Variants in TEK observed in about 807,000 individuals in gnomAD.
TEK encodes TEK receptor tyrosine kinase.
In TEK, 43 loss-of-function variants were observed where a neutral mutation model predicts 131.8. That is an observed-to-expected ratio of 0.33 (90% CI 0.26 to 0.42). The LOEUF is 0.42. Among genes scored for constraint, TEK ranks in the 10% least tolerant of loss-of-function variants. The pLI is 1.00. For synonymous variants in TEK, 580 were observed against 491.6 expected (o/e 1.18, Z -2.38); for missense variants, 1,162 against 1,384.4 (o/e 0.84, Z 2.55).
chr9:27,167,383 G>A (rs139697924), intron 2 of TEK, among the ~76,000 whole-genome samples: 8 of 151,896 alleles, frequency 5.3e-5, no homozygotes, highest in East Asian at 3.9e-4. Flanking sequence ...ATGTCCCACC[G>A]TGCCCGGCTA....
Position 27,111,271 on chromosome 9 carries a change from C to T in TEK, c.52+1629C>T, listed in dbSNP as rs1011563176. On this transcript the variant is annotated intron_variant, in intron 1 of 22. Transcript: ENST00000380036. ...CATGTTCTTGTTAGGAAGGGTGACACTAGCAAGGTTAGTTTCTGAGGTAGG... is the reference window on the plus strand; with the variant it reads ...CATGTTCTTGTTAGGAAGGGTGACATTAGCAAGGTTAGTTTCTGAGGTAGG... Among the ~76,000 whole-genome samples, 8 of 152,182 alleles carry T rather than the reference C, an allele frequency of 5.3e-5. No individual in the cohort carries two copies. The South Asian group carries it at 8.3e-4, about 16-fold the overall frequency.
chr9:27,223,019 CAAAG>C (rs1430248757), intron 21 of TEK, among the ~76,000 whole-genome samples: 15 of 152,046 alleles, frequency 9.9e-5, no homozygotes, highest in Non-Finnish European at 2.2e-4. Context: ...TCAAAGGAGA[CAAAG>C]AAGGACATTA....
intron 2 of TEK, among the ~76,000 whole-genome samples, chr9:27,160,455 G>C (rs1823508183): frequency 6.6e-6 from 1 of 152,106 alleles, no homozygotes; most frequent in Non-Finnish European, 1.5e-5. Flanking sequence ...CATGCTTACA[G>C]ATCACCTGTA....
At chr9:27,145,485 T>C (rs1822881982) in intron 1 of TEK, among the ~76,000 whole-genome samples, 1 of 152,228 alleles carries the variant, frequency 6.6e-6, no homozygotes, top group Non-Finnish European at 1.5e-5. Flanking sequence ...CACACAGATT[T>C]ACTTGATCAA....
intron 1 of TEK, among the ~76,000 whole-genome samples, chr9:27,115,344 C>G (rs1349585449): frequency 6.6e-6 from 1 of 151,890 alleles, no homozygotes; most frequent in Non-Finnish European, 1.5e-5. Flanking sequence ...ACAAAAAATA[C>G]AAAAATTAGC....
At chr9:27,173,919 G>C (rs1269515748) in intron 6 of TEK, among the ~76,000 whole-genome samples, 2 of 142,022 alleles carry the variant, frequency 1.4e-5, no homozygotes, top group African/African-American at 5.3e-5. Context: ...AACAGAGTGA[G>C]ACCTCGTTTA....
At chr9:27,219,187 T>G (rs1190327645) in intron 20 of TEK, among the ~76,000 whole-genome samples, 1 of 152,140 alleles carries the variant, frequency 6.6e-6, no homozygotes, top group South Asian at 2.1e-4. Flanking sequence ...CTGATCCTAG[T>G]TTTATCAATA....
chr9:27,112,195 G>A (rs959522829), intron 1 of TEK, among the ~76,000 whole-genome samples: 2 of 152,068 alleles, frequency 1.3e-5, no homozygotes, highest in East Asian at 1.9e-4. Context: ...CACCACGCCC[G>A]CCCTTGTCAC....
intron 18 of TEK, 114 bp from the exon 19 acceptor site, chr9:27,217,574 G>A: frequency 2.3e-6 from 2 of 878,466 alleles, no homozygotes; most frequent in South Asian, 1.4e-5. Flanking sequence ...CATACACAAA[G>A]CAATGATTTC....
chr9:27,180,373 A>T lies in TEK; in HGVS notation c.1030+5A>T. The T allele has an allele frequency of 1.2e-6, 2 of 1,612,424 alleles. No individual in the cohort carries two copies. The highest frequency in any genetic ancestry group is 8.5e-7 in the Non-Finnish European group (1 of 1,179,150). ...GGCTCCAGTGTGAGAGAGAAGGTAA[A>T]GCAAGGTAACACTGTAGTCAGGGCC... On this transcript the variant is annotated splice_donor_5th_base_variant and intron_variant, in intron 7 of 22. Transcript: ENST00000380036.
At chr9:27,153,441 C>G (rs1259972243) in intron 1 of TEK, among the ~76,000 whole-genome samples, 2 of 152,136 alleles carry the variant, frequency 1.3e-5, no homozygotes, top group African/African-American at 2.4e-5. Context: ...CAGGGCGAGA[C>G]TCCGTCTCAA....
Position 27,217,681 on chromosome 9 carries a change from T to C in TEK, c.2992-7T>C. The C allele has an allele frequency of 6.2e-7, 1 of 1,613,544 alleles. No individual in the cohort carries two copies. Among genetic ancestry groups the C allele is most frequent in the Non-Finnish European group, 8.5e-7 (1 of 1,179,560 alleles). ...AGTTAAGTGAAATCTCACTTTGTTC[T>C]CTCCAGGGAAGGCTCCCAGTGCGCT... is the stretch of plus-strand genomic sequence containing the variant. On this transcript the variant is annotated splice_region_variant and splice_polypyrimidine_tract_variant and intron_variant, in intron 18 of 22. Transcript: ENST00000380036.
At chr9:27,134,742 C>G (rs1822353827) in intron 1 of TEK, among the ~76,000 whole-genome samples, 1 of 152,136 alleles carries the variant, frequency 6.6e-6, no homozygotes, top group Non-Finnish European at 1.5e-5. Flanking sequence ...TAAACTAAAA[C>G]TTGTTTTCAT....
intron 13 of TEK, 94 bp downstream of exon 13, chr9:27,203,213 A>G: frequency 7.0e-7 from 1 of 1,422,232 alleles, no homozygotes; most frequent in Non-Finnish European, 9.9e-7. Flanking sequence ...AAAGCCTATG[A>G]AAAGTCGGTG....
At chr9:27,176,556 C>T (rs2208637) in intron 6 of TEK, among the ~76,000 whole-genome samples, 19,898 of 152,164 alleles carry the variant, frequency 0.13, 1,492 homozygotes, top group Admixed American at 0.23. Flanking sequence ...TTATCAAGGT[C>T]TAATTGCTAA....
intron 16 of TEK, among the ~76,000 whole-genome samples, chr9:27,210,802 A>C (rs1205389983): frequency 6.6e-6 from 1 of 152,188 alleles, no homozygotes; most frequent in Non-Finnish European, 1.5e-5. Flanking sequence ...TCGTCATCAC[A>C]TTAGCACATA....
intron 9 of TEK, among the ~76,000 whole-genome samples, chr9:27,187,036 G>A (rs962533537): frequency 6.6e-6 from 1 of 152,152 alleles, no homozygotes; most frequent in Non-Finnish European, 1.5e-5. Context: ...TTGGAAGAAA[G>A]GAAATGATAT....
At chr9:27,133,132 C>T (rs920765113) in intron 1 of TEK, among the ~76,000 whole-genome samples, 1 of 152,170 alleles carries the variant, frequency 6.6e-6, no homozygotes, top group Non-Finnish European at 1.5e-5. Context: ...GAAATAAATA[C>T]TTCCTTCTTT....
At chr9:27,158,191 C>T (rs201599897) in intron 2 of TEK, 49 bp downstream of exon 2, 1 of 1,608,316 alleles carries the variant, frequency 6.2e-7, no homozygotes, top group East Asian at 2.2e-5. Flanking sequence ...GAGGAACACA[C>T]ACACCTTTTG....
Sources: allele counts gnomAD v4.1 joint callset (sites outside exome capture counted in the v4.1 genomes callset), GRCh38; gene constraint gnomAD v4.1.1; transcripts MANE v1.5; gene names NCBI Gene and HGNC (gene_info 2026-07-23, HGNC 2026-07-21).